TTC28: variants seen among roughly 807,000 people sequenced by gnomAD.
TTC28 encodes tetratricopeptide repeat protein 28.
A neutral mutation model predicts 198.0 loss-of-function variants in TTC28; 61 were observed. The observed-to-expected ratio is 0.31, with a 90% confidence interval of 0.25 to 0.38. TTC28 has a LOEUF of 0.38. TTC28 is among the 10% of genes least tolerant of loss of function. The pLI, the probability that TTC28 is intolerant of heterozygous loss-of-function variation, is 1.00. For missense variants in TTC28, 2,678 were observed against 3,164.0 expected (o/e 0.85, Z 3.69); for synonymous variants, 1,171 against 1,297.8 (o/e 0.90, Z 2.10).
intron 5 of TTC28, among the ~76,000 whole-genome samples, chr22:28,216,135 T>A (rs772073234): frequency 1.3e-5 from 2 of 152,148 alleles, no homozygotes; most frequent in Non-Finnish European, 2.9e-5. Context: ...AGCACAGCAA[T>A]GAGACAGAGA....
chr22:28,190,926 T>G (rs902287422), intron 5 of TTC28, among the ~76,000 whole-genome samples: 3 of 152,168 alleles, frequency 2.0e-5, no homozygotes, highest in African/African-American at 7.2e-5. Flanking sequence ...TCTATTCTAC[T>G]AATATTCCTA....
Position 28,108,303 on chromosome 22 carries a change from G to T in TTC28, c.1542C>A (p.Gly514=). ...CATTGCCCATATTCCCATAGGCACG[G>T]CCCTGGGCAGCATAATCACTCAGCT... The part of the protein sequence containing the change: ...AQELSDYAAQ[G]RAYGNMGNAY... The change falls in exon 7 of 23, where the codon GGC becomes GGA. Residue 514 remains glycine (G), a synonymous_variant. Transcript: ENST00000397906. The T allele has an allele frequency of 6.5e-7, 1 of 1,535,992 alleles. No homozygotes were observed. The highest frequency in any genetic ancestry group is 8.8e-7 in the Non-Finnish European group (1 of 1,135,396).
chr22:28,271,062 C>T (rs1932034004), intron 5 of TTC28, among the ~76,000 whole-genome samples: 1 of 151,498 alleles, frequency 6.6e-6, no homozygotes, highest in African/African-American at 2.4e-5. Flanking sequence ...TCCAAGCATT[C>T]TTAAGGTAAA....
chr22:28,190,817 G>A (rs1407154536), intron 5 of TTC28, among the ~76,000 whole-genome samples: 1 of 152,112 alleles, frequency 6.6e-6, no homozygotes, highest in Non-Finnish European at 1.5e-5. Context: ...TGGTTCCTTT[G>A]GGAGCTCGTG....
At chr22:28,652,831 T>G (rs1056573273) in intron 1 of TTC28, among the ~76,000 whole-genome samples, 12 of 152,200 alleles carry the variant, frequency 7.9e-5, no homozygotes, top group Non-Finnish European at 1.2e-4. Flanking sequence ...AAAAGGAAAC[T>G]GACAGCATCT....
chr22:28,222,917 A>C (rs1263378114), intron 5 of TTC28, among the ~76,000 whole-genome samples: 7 of 152,232 alleles, frequency 4.6e-5, no homozygotes, highest in Admixed American at 4.6e-4. Context: ...TAAAATATGC[A>C]CAGATCCATG....
intron 2 of TTC28, among the ~76,000 whole-genome samples, chr22:28,430,658 A>G (rs1291394729): frequency 6.6e-6 from 1 of 152,224 alleles, no homozygotes; most frequent in Non-Finnish European, 1.5e-5. Flanking sequence ...TAGTATTTAT[A>G]AAAATCCTTG....
intron 2 of TTC28, among the ~76,000 whole-genome samples, chr22:28,434,058 T>G (rs1438089414): frequency 6.6e-6 from 1 of 152,208 alleles, no homozygotes; most frequent in Non-Finnish European, 1.5e-5. Context: ...TCAAGCTTTT[T>G]GGGGTTTCTT....
At chr22:28,220,796 T>C (rs970896634) in intron 5 of TTC28, among the ~76,000 whole-genome samples, 1 of 152,138 alleles carries the variant, frequency 6.6e-6, no homozygotes, top group Non-Finnish European at 1.5e-5. Context: ...AAGGCAGGAA[T>C]CATGGGGCCC....
Position 28,673,223 on chromosome 22 carries a change from A to C in TTC28, c.102+6399T>G, listed in dbSNP as rs570038508. Among the ~76,000 whole-genome samples the C allele has an allele frequency of 1.1e-4, 16 of 152,248 alleles. 1 individual carries two copies. The highest frequency in any genetic ancestry group is 3.6e-4 in the African/African-American group (15 of 41,544). ...CCCCGTCTCTACTAAAAATACAAAAATTTAGCTAGACTTGGTGGCAGGCGC... is the reference window on the plus strand; with the variant it reads ...CCCCGTCTCTACTAAAAATACAAAACTTTAGCTAGACTTGGTGGCAGGCGC... On this transcript the variant is annotated intron_variant, in intron 1 of 22. Transcript: ENST00000397906.
rs370173900 is a variant in TTC28, at chr22:28,357,919, G to A, written c.382-51276C>T. On this transcript the variant is annotated intron_variant, in intron 2 of 22. Transcript: ENST00000397906. ...TAGCTGGGGAAAAGTTCATCAAAAT[G>A]CCAGATAGATAGTAAAAACAGGTAA... 1.4e-4 allele frequency among the ~76,000 whole-genome samples: 21 copies of A among 152,204 alleles called. No homozygotes were observed. The East Asian group carries it at 2.1e-3, about 15-fold the overall frequency.
At chr22:28,482,369 C>T (rs1000267729) in intron 2 of TTC28, among the ~76,000 whole-genome samples, 1 of 151,680 alleles carries the variant, frequency 6.6e-6, no homozygotes, top group African/African-American at 2.4e-5. Context: ...CCTACACGCC[C>T]AGGTAATTTT....
intron 5 of TTC28, among the ~76,000 whole-genome samples, chr22:28,169,188 G>A (rs1922370990): frequency 6.6e-6 from 1 of 152,190 alleles, no homozygotes; most frequent in Non-Finnish European, 1.5e-5. Flanking sequence ...TGCTGGAGAG[G>A]ATGTGGAGAA....
rs367736951 is a variant in TTC28 at position 27,982,358 on chromosome 22, C to T, written c.7309G>A (p.Glu2437Lys). ...KAPPNGHWRTETTSLGSLPLP... is the reference protein window; with the variant it reads ...KAPPNGHWRTKTTSLGSLPLP... ...GGCAGTGAGCCCAGCGAGGTGGTCT[C>T]GGTGCGCCAGTGTCCGTTGGGAGGG... Residue 2437 changes from glutamate to lysine, a missense_variant, in exon 23 of 23, where the codon GAG becomes AAG. Coordinates refer to ENST00000397906, the MANE Select transcript of TTC28 (RefSeq NM_001145418.2). The surrounding 1 kb of genome is among the most constrained non-coding windows in gnomAD (Gnocchi z 5.2). The T allele has an allele frequency of 2.1e-5, 32 of 1,548,806 alleles. No homozygotes were observed. The highest frequency in any genetic ancestry group is 2.7e-5 in the African/African-American group (2 of 72,978).
chr22:28,369,135 T>C (rs1044552469), intron 2 of TTC28, among the ~76,000 whole-genome samples: 3 of 152,124 alleles, frequency 2.0e-5, no homozygotes, highest in African/African-American at 7.2e-5. Flanking sequence ...GAAGCTATCC[T>C]GAGCAAAAAG....
At chr22:28,670,723 A>T (rs2051866330) in intron 1 of TTC28, among the ~76,000 whole-genome samples, 1 of 150,126 alleles carries the variant, frequency 6.7e-6, no homozygotes, top group African/African-American at 2.5e-5. Flanking sequence ...ATATATATAT[A>T]TGAGTGGAAT....
chr22:28,039,836 T>C (rs1163960700), intron 12 of TTC28, among the ~76,000 whole-genome samples: 1 of 152,014 alleles, frequency 6.6e-6, no homozygotes, highest in African/African-American at 2.4e-5. Context: ...GATAGACTGC[T>C]AGCAAGACTA....
At chr22:28,260,957 T>G (rs1187386572) in intron 5 of TTC28, among the ~76,000 whole-genome samples, 2 of 152,192 alleles carry the variant, frequency 1.3e-5, no homozygotes, top group Non-Finnish European at 2.9e-5. Context: ...TGTCACCACA[T>G]TTATTGTACA....
At chr22:28,016,254 C>T (rs1938371260) in intron 13 of TTC28, among the ~76,000 whole-genome samples, 1 of 152,204 alleles carries the variant, frequency 6.6e-6, no homozygotes, top group Non-Finnish European at 1.5e-5. Context: ...CAGTGAAGCA[C>T]AGATAACCCC....
Sources: allele counts gnomAD v4.1 joint callset (sites outside exome capture counted in the v4.1 genomes callset), GRCh38; gene constraint gnomAD v4.1.1; non-coding constraint Gnocchi (gnomAD v3.1); transcripts MANE v1.5; gene names NCBI Gene and HGNC (gene_info 2026-07-23, HGNC 2026-07-21).